Variants in ZDHHC14 observed in about 807,000 individuals in gnomAD.
ZDHHC14 encodes zDHHC palmitoyltransferase 14.
Under a neutral mutation model 47.7 loss-of-function variants are expected in ZDHHC14, and 16 were observed. The observed-to-expected ratio is 0.34, with a 90% CI of 0.23 to 0.51. The LOEUF (loss-of-function observed/expected upper bound fraction) is 0.51. Among genes scored for constraint, ZDHHC14 ranks in the 20% least tolerant of loss-of-function variants. The pLI, the probability that ZDHHC14 is intolerant of heterozygous loss-of-function variation, is 0.97. For synonymous variants in ZDHHC14, 293 were observed against 278.9 expected (o/e 1.05, Z -0.50); for missense variants, 515 against 662.5 (o/e 0.78, Z 2.44).
intron 1 of ZDHHC14, among the ~76,000 whole-genome samples, chr6:157,449,171 G>A (rs1389670938): frequency 6.6e-6 from 1 of 152,150 alleles, no homozygotes; most frequent in Non-Finnish European, 1.5e-5. Flanking sequence ...AATTTCCTAG[G>A]GGGTGGAGTT....
chr6:157,625,259 GAA>G (rs1785355863), intron 3 of ZDHHC14, among the ~76,000 whole-genome samples: 2 of 152,152 alleles, frequency 1.3e-5, no homozygotes, highest in African/African-American at 4.8e-5. Flanking sequence ...GGGGGTGAGA[GAA>G]AGGGCGGGGT....
intron 1 of ZDHHC14, among the ~76,000 whole-genome samples, chr6:157,530,920 C>T (rs1408256152): frequency 6.6e-6 from 1 of 152,150 alleles, no homozygotes; most frequent in Non-Finnish European, 1.5e-5. Flanking sequence ...TTCAATTCCT[C>T]TTTATTCTTA....
intron 2 of ZDHHC14, among the ~76,000 whole-genome samples, chr6:157,562,360 AG>A (rs1056571133): frequency 6.6e-6 from 1 of 152,224 alleles, no homozygotes; most frequent in Admixed American, 6.5e-5. Flanking sequence ...AGAAGCTCCC[AG>A]GGTGGACGCT....
At chr6:157,639,298 A>AT (rs2114970657) in intron 5 of ZDHHC14, among the ~76,000 whole-genome samples, 1 of 152,022 alleles carries the variant, frequency 6.6e-6, no homozygotes, top group African/African-American at 2.4e-5. Context: ...TTTAAAGAAC[A>AT]TTTTTTTCTT....
chr6:157,498,156 G>A lies in ZDHHC14; in HGVS notation c.246-44429G>A, dbSNP rs139596131. On this transcript the variant is annotated intron_variant, in intron 1 of 8. Coordinates refer to ENST00000359775, the MANE Select transcript of ZDHHC14 (RefSeq NM_024630.3). ...CATGTTAGCAATAAAGAGCCGGGGG[G>A]CTGGGTGCAGTGGCTCATGCCTGTA... 2.8e-4 allele frequency among the ~76,000 whole-genome samples: 42 copies of A among 152,314 alleles called. No individual in the cohort carries two copies. In the South Asian group the frequency reaches 6.0e-3, roughly 22 times the overall value.
intron 1 of ZDHHC14, among the ~76,000 whole-genome samples, chr6:157,389,335 A>G (rs548655259): frequency 1.3e-5 from 2 of 152,292 alleles, no homozygotes; most frequent in African/African-American, 4.8e-5. Context: ...ACCATTGAAG[A>G]GTAAGTTGCA....
intron 1 of ZDHHC14, among the ~76,000 whole-genome samples, chr6:157,415,182 CT>C (rs1562416104): frequency 6.6e-6 from 1 of 152,112 alleles, no homozygotes; most frequent in Admixed American, 6.5e-5. Context: ...ATGACTATTT[CT>C]TTTTTTCTTT....
intron 2 of ZDHHC14, among the ~76,000 whole-genome samples, chr6:157,570,953 C>T (rs1467078031): frequency 1.3e-5 from 2 of 152,040 alleles, no homozygotes; most frequent in East Asian, 3.9e-4. Flanking sequence ...TTACAATGTC[C>T]CTGAACTGCA....
At chr6:157,617,305 C>T (rs1029715336) in intron 3 of ZDHHC14, among the ~76,000 whole-genome samples, 5 of 152,186 alleles carry the variant, frequency 3.3e-5, no homozygotes, top group African/African-American at 1.2e-4. Context: ...TATATCTTAA[C>T]AATAATAGTA....
intron 1 of ZDHHC14, among the ~76,000 whole-genome samples, chr6:157,384,956 A>G (rs921521283): frequency 6.6e-6 from 1 of 152,034 alleles, no homozygotes; most frequent in Non-Finnish European, 1.5e-5. Flanking sequence ...TTTATTTTTA[A>G]TTTTTTATAG....
intron 3 of ZDHHC14, among the ~76,000 whole-genome samples, chr6:157,626,897 G>C (rs953779463): frequency 2.7e-5 from 4 of 148,454 alleles, no homozygotes; most frequent in South Asian, 2.2e-4. Context: ...AGCTGGGGGG[G>C]GGGCGGCGGG....
At chr6:157,405,390 G>A (rs979975587) in intron 1 of ZDHHC14, among the ~76,000 whole-genome samples, 19 of 152,160 alleles carry the variant, frequency 1.2e-4, no homozygotes, top group African/African-American at 4.3e-4. Context: ...CCGCCACCAC[G>A]CCTGGCTAAT....
chr6:157,528,681 G>A (rs1781253564), intron 1 of ZDHHC14, among the ~76,000 whole-genome samples: 1 of 151,950 alleles, frequency 6.6e-6, no homozygotes, highest in African/African-American at 2.4e-5. Flanking sequence ...GTAGTGAGCC[G>A]AGGTCGCACC....
chr6:157,518,584 C>T (rs1035244983), intron 1 of ZDHHC14, among the ~76,000 whole-genome samples: 4 of 152,114 alleles, frequency 2.6e-5, no homozygotes, highest in Non-Finnish European at 5.9e-5. Context: ...GACACCCAAC[C>T]GCCCCGGTGC....
intron 1 of ZDHHC14, among the ~76,000 whole-genome samples, chr6:157,529,450 C>A (rs1223381776): frequency 5.3e-5 from 8 of 152,150 alleles, no homozygotes; most frequent in Admixed American, 5.2e-4. Context: ...GACAGGGCCC[C>A]TGGGAATCTG....
chr6:157,421,482 G>A (rs1778102500), intron 1 of ZDHHC14, among the ~76,000 whole-genome samples: 1 of 87,618 alleles, frequency 1.1e-5, no homozygotes, highest in African/African-American at 4.8e-5. Context: ...TACAGAGCCA[G>A]ACTCCGTCTC....
intron 1 of ZDHHC14, among the ~76,000 whole-genome samples, chr6:157,491,086 T>C (rs934423312): frequency 2.6e-5 from 4 of 152,200 alleles, no homozygotes; most frequent in African/African-American, 9.6e-5. Context: ...TTTCCCGCAC[T>C]GCACCTCATC....
intron 1 of ZDHHC14, among the ~76,000 whole-genome samples, chr6:157,499,178 G>A (rs1464972598): frequency 6.6e-6 from 1 of 152,202 alleles, no homozygotes; most frequent in East Asian, 1.9e-4. Flanking sequence ...TGTCGGCACT[G>A]CTGTTTCATC....
At chr6:157,506,376 C>T (rs1434354246) in intron 1 of ZDHHC14, among the ~76,000 whole-genome samples, 1 of 152,216 alleles carries the variant, frequency 6.6e-6, no homozygotes, top group African/African-American at 2.4e-5. Context: ...ATGCAATATT[C>T]TGACTCTGGG....
Sources: allele counts gnomAD v4.1 joint callset (sites outside exome capture counted in the v4.1 genomes callset), GRCh38; gene constraint gnomAD v4.1.1; transcripts MANE v1.5; gene names NCBI Gene and HGNC (gene_info 2026-07-23, HGNC 2026-07-21).